Variants in RARB observed in about 807,000 individuals in gnomAD.
The protein encoded by RARB is HBV-activated protein.
RARB carries 17 observed loss-of-function variants against 51.9 expected under a neutral mutation model. The ratio of observed to expected loss-of-function variants is 0.33; its 90% CI spans 0.22 to 0.49. The LOEUF (loss-of-function observed/expected upper bound fraction) is 0.49. Ranked by LOEUF, RARB falls within the 20% of genes least tolerant of loss-of-function variation. RARB has a pLI of 0.99. For missense variants in RARB, 369 were observed against 550.8 expected, an observed-to-expected ratio of 0.67 and a Z score of 3.30; for synonymous variants, 215 against 195.4, an observed-to-expected ratio of 1.10 and a Z score of -0.84.
chr3:25,136,565 A>G (rs1004543432), intron 4 of RARB, among the ~76,000 whole-genome samples: 14 of 152,110 alleles, frequency 9.2e-5, no homozygotes, highest in Non-Finnish European at 1.6e-4. Flanking sequence ...TCATGAAACA[A>G]TGCATCACTA....
Position 24,912,975 on chromosome 3 carries a change from C to CTTTTTTT in RARB, c.-380+54239_-380+54245dup, listed in dbSNP as rs386396163. Among the ~76,000 whole-genome samples, 256 of 75,010 alleles carry CTTTTTTT rather than the reference C, an allele frequency of 3.4e-3. 24 individuals carry two copies. Among genetic ancestry groups the CTTTTTTT allele is most frequent in the Middle Eastern group, 0.027 (2 of 74 alleles). The allele number at this position is 75,010 out of a possible 152,430, so 49.2% of individuals were successfully genotyped here. Reference sequence around the variant, plus strand: ...GCAATACGCACACAAGGTACTGATTCTTTTTTTTTTTTTTTTTTTTTTGGA... The same window carrying CTTTTTTT: ...GCAATACGCACACAAGGTACTGATTCTTTTTTTTTTTTTTTTTTTTTTTTTTTTTGGA... On this transcript the variant is annotated intron_variant, in intron 2 of 11. Coordinates refer to the RARB transcript ENST00000383772.
intron 2 of RARB, among the ~76,000 whole-genome samples, chr3:24,871,160 A>G (rs1171069643): frequency 5.3e-5 from 8 of 152,160 alleles, no homozygotes; most frequent in Admixed American, 4.6e-4. Flanking sequence ...AATTTGTAAG[A>G]GAATTTTTAA....
chr3:25,223,799 C>A (rs1378723473), intron 5 of RARB, among the ~76,000 whole-genome samples: 1 of 152,128 alleles, frequency 6.6e-6, no homozygotes, highest in Non-Finnish European at 1.5e-5. Context: ...ATTTCAGTTT[C>A]CTTTCAGATC....
chr3:25,048,263 A>G (rs1211967815), intron 2 of RARB, among the ~76,000 whole-genome samples: 1 of 152,188 alleles, frequency 6.6e-6, no homozygotes, highest in African/African-American at 2.4e-5. Context: ...GGATTGAAAA[A>G]TGGTTAACTT....
intron 2 of RARB, among the ~76,000 whole-genome samples, chr3:25,000,925 T>G (rs1308842985): frequency 6.6e-6 from 1 of 152,154 alleles, no homozygotes; most frequent in African/African-American, 2.4e-5. Flanking sequence ...CTCAGTTATG[T>G]GTAGTTTTCA....
chr3:25,535,757 C>A (rs1444023620), intron 3 of RARB, among the ~76,000 whole-genome samples: 1 of 152,080 alleles, frequency 6.6e-6, no homozygotes, highest in East Asian at 1.9e-4. Flanking sequence ...CCATCCTTGT[C>A]TCTTAAATGG....
intron 3 of RARB, among the ~76,000 whole-genome samples, chr3:25,077,306 T>C (rs1698890571): frequency 6.6e-6 from 1 of 152,218 alleles, no homozygotes; most frequent in Non-Finnish European, 1.5e-5. Flanking sequence ...GCAATGTCTG[T>C]ATCAAGATAA....
At chr3:25,260,699 G>C (rs1217082966) in intron 5 of RARB, among the ~76,000 whole-genome samples, 1 of 152,112 alleles carries the variant, frequency 6.6e-6, no homozygotes, top group African/African-American at 2.4e-5. Context: ...GCAGCCGCCT[G>C]TGTTCAGTTG....
intron 5 of RARB, among the ~76,000 whole-genome samples, chr3:25,307,069 G>A (rs537552918): frequency 5.3e-5 from 8 of 152,050 alleles, no homozygotes; most frequent in Non-Finnish European, 7.4e-5. Context: ...TACCTATTAG[G>A]TATTTATCCA....
Position 25,152,848 on chromosome 3 carries a change from A to G in RARB, c.-280+20640A>G, listed in dbSNP as rs1447509508. On this transcript the variant is annotated intron_variant, in intron 4 of 11. Coordinates refer to the RARB transcript ENST00000383772. Reference sequence around the variant, plus strand: ...GACCTATGTGAACATCAAAATTCATAAACAAAATAGGGTCAGGTGGAGCCA... The same window carrying G: ...GACCTATGTGAACATCAAAATTCATGAACAAAATAGGGTCAGGTGGAGCCA... 2.6e-5 allele frequency among the ~76,000 whole-genome samples: 4 copies of G among 152,330 alleles called. No individual in the cohort carries two copies. In the East Asian group the frequency reaches 7.7e-4, roughly 29 times the overall value.
At chr3:24,858,406 C>T (rs948897379) in intron 1 of RARB, among the ~76,000 whole-genome samples, 1 of 152,098 alleles carries the variant, frequency 6.6e-6, no homozygotes, top group Non-Finnish European at 1.5e-5. Context: ...CCCCTGAGCC[C>T]AGTTAATATG....
At chr3:25,428,144 G>A (rs996569253), upstream of RARB, 1 of 1,012,420 alleles carries the variant, frequency 9.9e-7, no homozygotes, top group Non-Finnish European at 1.3e-6. Context: ...TTTAAGCTCT[G>A]TGAGAATCCT....
At chr3:25,410,844 T>C (rs1163420439) in intron 5 of RARB, among the ~76,000 whole-genome samples, 2 of 152,236 alleles carry the variant, frequency 1.3e-5, no homozygotes, top group Admixed American at 6.5e-5. Flanking sequence ...TCCCAATTCC[T>C]GCTCGCTGCC....
chr3:25,255,265 G>C (rs1176761278), intron 5 of RARB, among the ~76,000 whole-genome samples: 1 of 152,056 alleles, frequency 6.6e-6, no homozygotes, highest in East Asian at 1.9e-4. Context: ...TCTGTTTTTG[G>C]AACATAAAGT....
At chr3:25,124,590 C>T (rs1699833705) in intron 3 of RARB, among the ~76,000 whole-genome samples, 1 of 152,112 alleles carries the variant, frequency 6.6e-6, no homozygotes, top group Non-Finnish European at 1.5e-5. Context: ...ATTCTTTTCC[C>T]CTTGGAAACA....
chr3:25,299,651 C>T (rs1703994029), intron 5 of RARB, among the ~76,000 whole-genome samples: 1 of 152,070 alleles, frequency 6.6e-6, no homozygotes. Context: ...TTTTAAAAGA[C>T]CATACAATTG....
At chr3:25,203,400 G>A (rs1225291260) in intron 5 of RARB, among the ~76,000 whole-genome samples, 1 of 152,168 alleles carries the variant, frequency 6.6e-6, no homozygotes, top group Non-Finnish European at 1.5e-5. Flanking sequence ...GCCAGTCTGT[G>A]TCTTTTAATT....
chr3:25,528,026 A>C (rs1698729350), intron 3 of RARB, among the ~76,000 whole-genome samples: 1 of 152,230 alleles, frequency 6.6e-6, no homozygotes, highest in Non-Finnish European at 1.5e-5. Context: ...CAGAAGCCTT[A>C]GGAAAATGCT....
At chr3:25,086,492 G>A (rs1299273083) in intron 3 of RARB, among the ~76,000 whole-genome samples, 1 of 152,162 alleles carries the variant, frequency 6.6e-6, no homozygotes, top group Non-Finnish European at 1.5e-5. Flanking sequence ...ATCAAACTCT[G>A]TAAAATATTT....
Sources: allele counts gnomAD v4.1 joint callset (sites outside exome capture counted in the v4.1 genomes callset), GRCh38; gene constraint gnomAD v4.1.1; transcripts MANE v1.5; gene names NCBI Gene and HGNC (gene_info 2026-07-23, HGNC 2026-07-21).